The following ADK variants were observed in gnomAD, a reference collection of about 807,000 sequenced individuals.
The protein encoded by ADK is adenosine kinase, also known as N6,N6-dimethyladenosine kinase.
Under a neutral mutation model 44.7 loss-of-function variants are expected in ADK, and 24 were observed. The ratio of observed to expected loss-of-function variants is 0.54; its 90% CI spans 0.39 to 0.76. ADK has a LOEUF of 0.76. Among genes scored for constraint, ADK ranks in the 30% least tolerant of loss-of-function variants. The probability of loss-of-function intolerance (pLI) is 0.00; values close to 1 mark genes in which losing one functional copy is unlikely to be tolerated. For synonymous variants in ADK, 128 were observed against 142.6 expected (o/e 0.90, Z 0.73); for missense variants, 321 against 425.1 (o/e 0.76, Z 2.15).
intron 10 of ADK, among the ~76,000 whole-genome samples, chr10:74,694,390 CA>C (rs1177032475): frequency 1.1e-4 from 16 of 144,238 alleles, no homozygotes; most frequent in Admixed American, 2.1e-4. Flanking sequence ...ATCTCTACCC[CA>C]AAAAAAAAAG....
intron 2 of ADK, among the ~76,000 whole-genome samples, chr10:74,224,280 A>T (rs1844439047): frequency 6.6e-6 from 1 of 152,236 alleles, no homozygotes; most frequent in Admixed American, 6.5e-5. Flanking sequence ...TAAGTGTGAC[A>T]TTACAGATGA....
intron 10 of ADK, among the ~76,000 whole-genome samples, chr10:74,693,092 T>C (rs998509661): frequency 1.3e-5 from 2 of 152,198 alleles, no homozygotes; most frequent in African/African-American, 4.8e-5. Flanking sequence ...ATTATTATAT[T>C]TGTCAAATCC....
intron 5 of ADK, 49 bp downstream of exon 5, chr10:74,394,362 C>G: frequency 6.5e-7 from 1 of 1,543,694 alleles, no homozygotes; most frequent in East Asian, 2.2e-5. Flanking sequence ...TATTTTAACA[C>G]TGGTAAAATA....
At chr10:74,589,169 G>C in intron 7 of ADK, 113 bp from the exon 8 acceptor site, 1 of 873,038 alleles carries the variant, frequency 1.1e-6, no homozygotes, top group Non-Finnish European at 1.9e-6. Flanking sequence ...GAACTATGTG[G>C]GTATATTGAG....
chr10:74,616,314 C>T (rs927015678), intron 9 of ADK, among the ~76,000 whole-genome samples: 1 of 152,080 alleles, frequency 6.6e-6, no homozygotes, highest in African/African-American at 2.4e-5. Flanking sequence ...TGTGAAGATA[C>T]TCTTCTGTTG....
intron 3 of ADK, among the ~76,000 whole-genome samples, chr10:74,289,792 T>C (rs1480849964): frequency 1.3e-5 from 2 of 149,026 alleles, no homozygotes; most frequent in East Asian, 2.0e-4. Context: ...TTGACTACTA[T>C]AGTAAATCCA....
At chr10:74,374,863 T>G (rs1842770651) in intron 4 of ADK, among the ~76,000 whole-genome samples, 3 of 152,184 alleles carry the variant, frequency 2.0e-5, no homozygotes, top group Admixed American at 2.0e-4. Context: ...CTCTTTGACC[T>G]TTTCATTATA....
chr10:74,214,579 G>C (rs1470183308), intron 2 of ADK, among the ~76,000 whole-genome samples: 8 of 152,172 alleles, frequency 5.3e-5, no homozygotes, highest in Admixed American at 5.2e-4. Flanking sequence ...CCTCTCTTAT[G>C]ACTGTCCTAT....
chr10:74,237,045 T>C (rs1844992403), intron 3 of ADK, among the ~76,000 whole-genome samples: 1 of 152,190 alleles, frequency 6.6e-6, no homozygotes, highest in Non-Finnish European at 1.5e-5. Flanking sequence ...TGTGGCAATT[T>C]CTTAAAATAA....
intron 4 of ADK, among the ~76,000 whole-genome samples, chr10:74,323,812 C>T (rs982169727): frequency 1.3e-5 from 2 of 152,040 alleles, no homozygotes; most frequent in African/African-American, 2.4e-5. Context: ...CCTTGTGATC[C>T]GCCCGCCTTG....
intron 1 of ADK, among the ~76,000 whole-genome samples, chr10:74,151,883 C>T (rs1373450971): frequency 2.0e-5 from 3 of 152,224 alleles, no homozygotes; most frequent in African/African-American, 7.2e-5. Flanking sequence ...GCAGGGGCAG[C>T]ATTTGGATGA....
chr10:74,615,482 G>A (rs923414933), intron 9 of ADK, among the ~76,000 whole-genome samples: 13 of 151,962 alleles, frequency 8.6e-5, no homozygotes, highest in African/African-American at 3.1e-4. Context: ...TTTCAGCTCC[G>A]GATTTGCAAG....
intron 3 of ADK, among the ~76,000 whole-genome samples, chr10:74,230,760 C>T (rs1048527556): frequency 3.3e-5 from 5 of 151,740 alleles, no homozygotes; most frequent in African/African-American, 1.2e-4. Context: ...TGGCTCACTG[C>T]AATCTCCGCC....
intron 2 of ADK, among the ~76,000 whole-genome samples, chr10:74,201,668 GTATGTATGTATCTATCTATCTATC>G (rs1205695034): frequency 2.4e-5 from 3 of 123,996 alleles, no homozygotes; most frequent in African/African-American, 3.5e-5. Flanking sequence ...ATGTATGTAT[GTATGTATGTATCTATCTATCTATC>G]TATCTATCTA....
At chr10:74,639,000 G>T (rs1853728057) in intron 9 of ADK, among the ~76,000 whole-genome samples, 2 of 151,946 alleles carry the variant, frequency 1.3e-5, no homozygotes, top group Admixed American at 1.3e-4. Context: ...GTAGAGACAG[G>T]GTTTCATCAT....
At chr10:74,697,496 C>T (rs1037885266) in intron 10 of ADK, among the ~76,000 whole-genome samples, 3 of 152,100 alleles carry the variant, frequency 2.0e-5, no homozygotes, top group African/African-American at 7.2e-5. Context: ...AACTTTATTC[C>T]TCCAAGTTTA....
chr10:74,407,063 AC>A (rs1171434453), intron 6 of ADK, among the ~76,000 whole-genome samples: 2 of 149,820 alleles, frequency 1.3e-5, no homozygotes, highest in South Asian at 2.1e-4. Context: ...GGTCAATGCA[AC>A]CCCCACCTCA....
chr10:74,504,007 C>G (rs1847963120), intron 6 of ADK, among the ~76,000 whole-genome samples: 1 of 152,136 alleles, frequency 6.6e-6, no homozygotes, highest in Non-Finnish European at 1.5e-5. Flanking sequence ...TTTCCAAGTA[C>G]TCTGAACCAT....
At chr10:74,378,337 T>C (rs954036883) in intron 4 of ADK, among the ~76,000 whole-genome samples, 2 of 152,174 alleles carry the variant, frequency 1.3e-5, no homozygotes, top group Admixed American at 6.5e-5. Context: ...CTTTCCCTTT[T>C]TTTCATATTT....
Sources: allele counts gnomAD v4.1 joint callset (sites outside exome capture counted in the v4.1 genomes callset), GRCh38; gene constraint gnomAD v4.1.1; transcripts MANE v1.5; gene names NCBI Gene and HGNC (gene_info 2026-07-23, HGNC 2026-07-21).